The following SPOCK3 variants were observed in gnomAD, a reference collection of about 807,000 sequenced individuals.
SPOCK3 encodes SPARC (osteonectin), cwcv and kazal like domains proteoglycan 3.
Under a neutral mutation model 56.6 loss-of-function variants are expected in SPOCK3, and 30 were observed. The observed-to-expected ratio is 0.53, with a 90% CI of 0.40 to 0.72. SPOCK3 has a LOEUF of 0.72. Among genes scored for constraint, SPOCK3 ranks in the 30% least tolerant of loss-of-function variants. SPOCK3 has a pLI of 0.00. For synonymous variants in SPOCK3, 196 were observed against 183.3 expected (o/e 1.07, Z -0.56); for missense variants, 527 against 530.0 (o/e 0.99, Z 0.06).
intron 6 of SPOCK3, among the ~76,000 whole-genome samples, chr4:166,872,494 A>G (rs941087209): frequency 2.0e-5 from 3 of 152,256 alleles, no homozygotes; most frequent in African/African-American, 7.2e-5. Flanking sequence ...AAACCTGTAC[A>G]TGGATGTTTA....
intron 2 of SPOCK3, among the ~76,000 whole-genome samples, chr4:167,161,594 T>C (rs1342229342): frequency 2.0e-5 from 3 of 152,132 alleles, no homozygotes; most frequent in African/African-American, 7.2e-5. Flanking sequence ...CGCTCACGTA[T>C]GGTTATTGCG....
At chr4:166,875,927 GCTT>G (rs1733031602) in intron 6 of SPOCK3, among the ~76,000 whole-genome samples, 1 of 152,164 alleles carries the variant, frequency 6.6e-6, no homozygotes, top group African/African-American at 2.4e-5. Context: ...GGTAGCAAAA[GCTT>G]CTTCTTGTTC....
intron 4 of SPOCK3, among the ~76,000 whole-genome samples, chr4:166,953,064 A>G (rs1035871103): frequency 1.8e-4 from 28 of 152,080 alleles, no homozygotes; most frequent in African/African-American, 6.3e-4. Flanking sequence ...CAATGGCAAC[A>G]AAAGCCAAAA....
At position 167,147,683 on chromosome 4, in the gene SPOCK3, A is replaced by G. The variant is rs151301193; in HGVS notation, c.190-85146T>C. 6.7e-3 allele frequency among the ~76,000 whole-genome samples: 1,026 copies of G among 152,238 alleles called. 14 individuals are homozygous for G. The highest frequency in any genetic ancestry group is 0.022 in the African/African-American group (901 of 41,552). ...AGGGACATAGATGAAGCTGGAAACCATTATTCTCAGCAAACTATCACAAGA... is the reference window on the plus strand; with the variant it reads ...AGGGACATAGATGAAGCTGGAAACCGTTATTCTCAGCAAACTATCACAAGA... On this transcript the variant is annotated intron_variant, in intron 2 of 10. Transcript: ENST00000357545.
In SPOCK3 at chr4:166,843,877, G is replaced by T. The variant is rs191701298; in HGVS notation, c.589+45253C>A. On this transcript the variant is annotated intron_variant, in intron 6 of 10. Coordinates refer to ENST00000357545, the MANE Select transcript of SPOCK3 (RefSeq NM_001040159.2). ...GCTTGAAAGCATCCTAAATAATGGGGCTTGAAACTCTGAGATCATCATGTA... is the reference window on the plus strand; with the variant it reads ...GCTTGAAAGCATCCTAAATAATGGGTCTTGAAACTCTGAGATCATCATGTA... Among the ~76,000 whole-genome samples, 738 of 152,272 alleles carry T rather than the reference G, an allele frequency of 4.8e-3. 11 individuals are homozygous for T. Among genetic ancestry groups the T allele is most frequent in the Admixed American group, 0.043 (664 of 15,292 alleles).
At chr4:166,924,412 TCAGAA>T (rs1020430322) in intron 4 of SPOCK3, among the ~76,000 whole-genome samples, 3 of 152,198 alleles carry the variant, frequency 2.0e-5, no homozygotes, top group Non-Finnish European at 2.9e-5. Flanking sequence ...TTTAAACCTT[TCAGAA>T]CACTGTTAAT....
At chr4:167,121,546 T>C (rs1319070752) in intron 2 of SPOCK3, among the ~76,000 whole-genome samples, 2 of 151,436 alleles carry the variant, frequency 1.3e-5, no homozygotes, top group African/African-American at 4.9e-5. Flanking sequence ...TAGGAAGCAA[T>C]AGGAAGAGAT....
At chr4:167,111,568 G>A (rs1760901564) in intron 2 of SPOCK3, among the ~76,000 whole-genome samples, 1 of 152,000 alleles carries the variant, frequency 6.6e-6, no homozygotes, top group Admixed American at 6.6e-5. Context: ...AAATATCTCA[G>A]CTTATCTCTA....
chr4:166,785,305 G>T (rs1350334440), intron 7 of SPOCK3, among the ~76,000 whole-genome samples: 5 of 151,994 alleles, frequency 3.3e-5, no homozygotes, highest in Non-Finnish European at 7.4e-5. Flanking sequence ...GGTGTCGATT[G>T]TTAAAAAATA....
At chr4:166,959,197 G>C (rs976492497) in intron 4 of SPOCK3, among the ~76,000 whole-genome samples, 1 of 152,110 alleles carries the variant, frequency 6.6e-6, no homozygotes, top group African/African-American at 2.4e-5. Flanking sequence ...AAAAAAATAG[G>C]AAAGGAAATA....
intron 2 of SPOCK3, among the ~76,000 whole-genome samples, chr4:167,124,657 T>C (rs77869776): frequency 6.6e-6 from 1 of 151,570 alleles, no homozygotes; most frequent in Non-Finnish European, 1.5e-5. Flanking sequence ...CTTTTTTTTT[T>C]CTTGAGACTT....
In SPOCK3 at chr4:167,163,318, A is replaced by G. The variant is rs191532182; in HGVS notation, c.189+70667T>C. 6.7e-4 allele frequency among the ~76,000 whole-genome samples: 102 copies of G among 151,974 alleles called. 1 individual carries two copies. In the East Asian group the frequency reaches 0.019, roughly 28 times the overall value. ...TTTAATTTTTAATTTTTATGGGTAC[A>G]TAGTAGGTGTATATGTTTATGGAGT... On this transcript the variant is annotated intron_variant, in intron 2 of 10. Transcript: ENST00000357545.
At chr4:167,022,217 T>C (rs1378120788) in intron 3 of SPOCK3, among the ~76,000 whole-genome samples, 2 of 152,024 alleles carry the variant, frequency 1.3e-5, no homozygotes, top group African/African-American at 4.8e-5. Flanking sequence ...AGCCAGGCTA[T>C]GCGAGCCTTA....
At chr4:166,901,355 T>A (rs1161046793) in intron 5 of SPOCK3, among the ~76,000 whole-genome samples, 1 of 152,174 alleles carries the variant, frequency 6.6e-6, no homozygotes, top group African/African-American at 2.4e-5. Context: ...TGTCAGTCTA[T>A]GTCCCCTGAA....
chr4:166,793,931 T>A (rs1448969897), intron 6 of SPOCK3, among the ~76,000 whole-genome samples: 1 of 151,992 alleles, frequency 6.6e-6, no homozygotes, highest in African/African-American at 2.4e-5. Flanking sequence ...CACCAGAGAT[T>A]AAATCAACAA....
At chr4:167,043,964 G>T (rs1255386445) in intron 3 of SPOCK3, among the ~76,000 whole-genome samples, 1 of 151,944 alleles carries the variant, frequency 6.6e-6, no homozygotes, top group East Asian at 1.9e-4. Context: ...TTTAGGATGA[G>T]TTAGGAAGTA....
At chr4:167,052,255 C>T (rs1180835604) in intron 3 of SPOCK3, among the ~76,000 whole-genome samples, 1 of 151,928 alleles carries the variant, frequency 6.6e-6, no homozygotes, top group African/African-American at 2.4e-5. Flanking sequence ...ATTTAGAAGC[C>T]CTATGTAGTT....
At chr4:166,950,354 G>A (rs1020102748) in intron 4 of SPOCK3, among the ~76,000 whole-genome samples, 19 of 151,364 alleles carry the variant, frequency 1.3e-4, no homozygotes, top group Non-Finnish European at 2.9e-5. Flanking sequence ...ATTACATAAT[G>A]GTAAAGGGAT....
chr4:167,174,345 C>A (rs1580517572), intron 2 of SPOCK3, among the ~76,000 whole-genome samples: 1 of 150,274 alleles, frequency 6.7e-6, no homozygotes, highest in African/African-American at 2.5e-5. Flanking sequence ...TATAAAAATG[C>A]ATTTTAAGGG....
Sources: gnomAD v4.1 joint callset for allele counts (sites outside exome capture counted in the v4.1 genomes callset) on GRCh38, gnomAD v4.1.1 for gene constraint, MANE v1.5 for transcripts, NCBI Gene and HGNC (gene_info 2026-07-23, HGNC 2026-07-21) for gene names.